Variants in DOCK5 observed in about 807,000 individuals in gnomAD.
The protein encoded by DOCK5 is dedicator of cytokinesis 5.
In DOCK5, 142 loss-of-function variants were observed where a neutral mutation model predicts 251.8. The observed-to-expected ratio is 0.56, with a 90% CI of 0.49 to 0.65. DOCK5 has a LOEUF of 0.65. DOCK5 is among the 30% of genes least tolerant of loss of function. The probability of loss-of-function intolerance (pLI) is 0.00; values close to 1 mark genes in which losing one functional copy is unlikely to be tolerated. For missense variants in DOCK5, 2,111 were observed against 2,312.3 expected, an observed-to-expected ratio of 0.91 and a Z score of 1.79; for synonymous variants, 842 against 835.5, an observed-to-expected ratio of 1.01 and a Z score of -0.13.
At chr8:25,364,162 GATAA>G (rs1321298045) in intron 29 of DOCK5, among the ~76,000 whole-genome samples, 4 of 152,088 alleles carry the variant, frequency 2.6e-5, no homozygotes, top group African/African-American at 4.8e-5. Flanking sequence ...AGTTTAATGA[GATAA>G]ATAAACCATT....
In DOCK5 at chr8:25,410,143, C is replaced by G. The variant is rs780298813; in HGVS notation, c.5449C>G (p.Pro1817Ala). 3.7e-6 allele frequency: 6 copies of G among 1,613,020 alleles called. No homozygotes were observed. Among genetic ancestry groups the G allele is most frequent in the Admixed American group, 3.3e-5 (2 of 59,902 alleles). Reference protein sequence around the residue: ...QTDGIAATPVPPPPPPKSKPY... With the variant: ...QTDGIAATPVAPPPPPKSKPY... ...AGATGGAATCGCGGCCACTCCTGTC[C>G]CACCTCCACCTCCCCCCAAAAGCAA... The change falls in exon 51 of 52, where the codon CCA becomes GCA. Residue 1817 changes from proline (P) to alanine (A), a missense_variant. Coordinates refer to ENST00000276440, the MANE Select transcript of DOCK5 (RefSeq NM_024940.8).
chr8:25,288,059 T>A (rs1176673709), intron 5 of DOCK5, among the ~76,000 whole-genome samples: 1 of 152,170 alleles, frequency 6.6e-6, no homozygotes, highest in South Asian at 2.1e-4. Context: ...CTAATTTTTG[T>A]ATTTTTAGTA....
intron 11 of DOCK5, among the ~76,000 whole-genome samples, chr8:25,307,838 G>A: frequency 6.6e-6 from 1 of 152,204 alleles, no homozygotes. Context: ...CTCTGGCATT[G>A]AATGCCTAAG....
At chr8:25,291,753 C>A (rs141825401) in intron 5 of DOCK5, among the ~76,000 whole-genome samples, 35 of 147,796 alleles carry the variant, frequency 2.4e-4, no homozygotes, top group African/African-American at 8.8e-4. Context: ...TTTGGGAGGC[C>A]GAGGCGGGTA....
intron 48 of DOCK5, among the ~76,000 whole-genome samples, chr8:25,406,466 C>A (rs890533842): frequency 6.6e-6 from 1 of 152,134 alleles, no homozygotes; most frequent in Admixed American, 6.5e-5. Context: ...CTGAATGCCA[C>A]CCTGCCTGGA....
chr8:25,360,356 C>T (rs1800654332), intron 28 of DOCK5, among the ~76,000 whole-genome samples: 1 of 152,052 alleles, frequency 6.6e-6, no homozygotes, highest in African/African-American at 2.4e-5. Context: ...CCCTGGCAGG[C>T]AGCATGGCAT....
At chr8:25,362,167 A>G (rs1326223942) in intron 28 of DOCK5, among the ~76,000 whole-genome samples, 1 of 152,216 alleles carries the variant, frequency 6.6e-6, no homozygotes, top group Non-Finnish European at 1.5e-5. Context: ...CAGGCTGCAC[A>G]TGATAACGTC....
intron 9 of DOCK5, among the ~76,000 whole-genome samples, chr8:25,302,036 C>A (rs1351932507): frequency 6.6e-6 from 1 of 152,132 alleles, no homozygotes; most frequent in Non-Finnish European, 1.5e-5. Context: ...TTTTTCAATA[C>A]CCTGCTTAAG....
At chr8:25,194,300 AT>A (rs1409673975) in intron 1 of DOCK5, among the ~76,000 whole-genome samples, 2 of 152,308 alleles carry the variant, frequency 1.3e-5, no homozygotes, top group Admixed American at 6.5e-5. Flanking sequence ...TCTCAAAAAA[AT>A]AAAAGATAAT....
At chr8:25,303,697 C>T (rs1804826133) in intron 10 of DOCK5, among the ~76,000 whole-genome samples, 1 of 152,150 alleles carries the variant, frequency 6.6e-6, no homozygotes, top group South Asian at 2.1e-4. Flanking sequence ...CACGATGGCT[C>T]ATCCCTGTAA....
chr8:25,401,191 T>C, intron 47 of DOCK5, 125 bp downstream of exon 47: 1 of 1,349,892 alleles, frequency 7.4e-7, no homozygotes, highest in South Asian at 1.3e-5. Flanking sequence ...ATAGTGAGGC[T>C]GGTGGGAGAG....
chr8:25,258,999 A>C (rs1803496550), intron 2 of DOCK5, among the ~76,000 whole-genome samples: 1 of 152,116 alleles, frequency 6.6e-6, no homozygotes, highest in African/African-American at 2.4e-5. Context: ...CATGCCTGTA[A>C]TCCCAGCTAC....
chr8:25,193,155 G>A (rs1031468828), intron 1 of DOCK5, among the ~76,000 whole-genome samples: 7 of 152,088 alleles, frequency 4.6e-5, no homozygotes, highest in Non-Finnish European at 8.8e-5. Context: ...ATACTGACCC[G>A]TTGCTCCTAG....
rs71551805 is a variant in DOCK5, at chr8:25,412,078, C to CAT, written c.*780_*781insAT. The CAT allele has an allele frequency of 1.2e-4, 10 of 82,846 alleles. No homozygotes were observed. Among genetic ancestry groups the CAT allele is most frequent in the Admixed American group, 3.7e-4 (2 of 5,452 alleles). The allele number at this position is 82,846 out of a possible 1,614,324, so 5.1% of individuals were successfully genotyped here. Reference sequence around the variant, plus strand: ...GAAGCTCTTCCTTTTGCACATACGGCTTTTTTTTTTTTTTTTTTTTTTTGT... The same window carrying CAT: ...GAAGCTCTTCCTTTTGCACATACGGCATTTTTTTTTTTTTTTTTTTTTTTTGT... On this transcript the variant is annotated 3_prime_UTR_variant, in exon 52 of 52. Transcript: ENST00000276440.
chr8:25,316,736 G>T (rs1805262244), intron 13 of DOCK5, among the ~76,000 whole-genome samples: 1 of 152,114 alleles, frequency 6.6e-6, no homozygotes, highest in Non-Finnish European at 1.5e-5. Context: ...TATATACTAT[G>T]TATTTATTAT....
chr8:25,403,746 T>C (rs764341698), intron 48 of DOCK5, 22 bp downstream of exon 48: 42 of 1,612,528 alleles, frequency 2.6e-5, no homozygotes, highest in Middle Eastern at 3.3e-4. Context: ...ATCTTTAATC[T>C]GCAGGAAGGG....
At chr8:25,293,945 G>A (rs113119472) in intron 6 of DOCK5, among the ~76,000 whole-genome samples, 8 of 152,188 alleles carry the variant, frequency 5.3e-5, no homozygotes, top group African/African-American at 1.4e-4. Context: ...TGGAGGTTGC[G>A]GTGAGCCAAG....
Position 25,389,234 on chromosome 8 carries a change from T to A in DOCK5, c.4273+2T>A. 3 of 1,612,848 alleles carry A rather than the reference T, an allele frequency of 1.9e-6. No homozygotes were observed. The African/African-American group carries it at 4.0e-5, about 21-fold the overall frequency. On this transcript the variant is annotated splice_donor_variant, in intron 41 of 51. Transcript: ENST00000276440. LOFTEE classifies it high-confidence loss of function. ...ACATCAAGTCGTCCCCCAAGCAGTG[T>A]ATCCTTTCCGGGGGGAGTATGGCCC...
At chr8:25,364,076 A>G (rs376333119) in intron 29 of DOCK5, among the ~76,000 whole-genome samples, 4 of 152,336 alleles carry the variant, frequency 2.6e-5, no homozygotes, top group Admixed American at 6.5e-5. Flanking sequence ...GTGCCTTGCA[A>G]TTGCTAGCCC....
Sources: allele counts gnomAD v4.1 joint callset (sites outside exome capture counted in the v4.1 genomes callset), GRCh38; gene constraint gnomAD v4.1.1; transcripts MANE v1.5; gene names NCBI Gene and HGNC (gene_info 2026-07-23, HGNC 2026-07-21).